PARD3: variants seen among roughly 807,000 people sequenced by gnomAD.
PARD3 encodes par-3 family cell polarity regulator, also known as partitioning defective 3 homolog.
A neutral mutation model predicts 155.4 loss-of-function variants in PARD3; 75 were observed. The observed-to-expected ratio is 0.48, with a 90% CI of 0.40 to 0.58. The LOEUF (loss-of-function observed/expected upper bound fraction) is 0.58. Among genes scored for constraint, PARD3 ranks in the 20% least tolerant of loss-of-function variants. PARD3 has a pLI of 0.00. For missense variants in PARD3, 1,642 were observed against 1,721.7 expected (o/e 0.95, Z 0.82); for synonymous variants, 576 against 610.5 (o/e 0.94, Z 0.83).
chr10:34,778,429 C>T (rs1218958142), intron 1 of PARD3, among the ~76,000 whole-genome samples: 1 of 152,174 alleles, frequency 6.6e-6, no homozygotes, highest in East Asian at 1.9e-4. Flanking sequence ...AACTGAGCAT[C>T]ATGAATGAAG....
intron 22 of PARD3, among the ~76,000 whole-genome samples, chr10:34,245,237 G>C (rs985057217): frequency 1.1e-4 from 17 of 152,124 alleles, no homozygotes; most frequent in Admixed American, 3.3e-4. Context: ...AATCAGGAGA[G>C]GGCTGCAGCA....
At chr10:34,710,339 C>G (rs1276211163) in intron 1 of PARD3, among the ~76,000 whole-genome samples, 1 of 152,190 alleles carries the variant, frequency 6.6e-6, no homozygotes, top group Non-Finnish European at 1.5e-5. Flanking sequence ...CAGTGCTTGT[C>G]TATATTTCCT....
At chr10:34,201,087 T>C (rs1385131855) in intron 22 of PARD3, among the ~76,000 whole-genome samples, 2 of 152,216 alleles carry the variant, frequency 1.3e-5, no homozygotes, top group Admixed American at 6.5e-5. Context: ...ACGAAAGGCA[T>C]GGGATCTAGA....
intron 22 of PARD3, among the ~76,000 whole-genome samples, chr10:34,245,565 A>G (rs1179784584): frequency 6.9e-6 from 1 of 144,280 alleles, no homozygotes; most frequent in African/African-American, 2.7e-5. Flanking sequence ...GACAAGGGGT[A>G]ATACATCCCT....
chr10:34,623,106 C>T (rs1204410168), intron 2 of PARD3, among the ~76,000 whole-genome samples: 1 of 152,064 alleles, frequency 6.6e-6, no homozygotes, highest in African/African-American at 2.4e-5. Flanking sequence ...TGCAAAAATC[C>T]ACCCTAAGAG....
At chr10:34,384,087 C>A in intron 8 of PARD3, 42 bp downstream of exon 8, 1 of 1,597,436 alleles carries the variant, frequency 6.3e-7, no homozygotes, top group Non-Finnish European at 8.6e-7. Flanking sequence ...TCTGTCATGC[C>A]TAATGCAAGT....
At chr10:34,231,431 C>A (rs1545214) in intron 22 of PARD3, among the ~76,000 whole-genome samples, 29,288 of 151,832 alleles carry the variant, frequency 0.19, 3,619 homozygotes, top group Non-Finnish European at 0.25. Context: ...CTGTCTATGG[C>A]ATATTCCAAA....
At chr10:34,798,769 G>A (rs1220014612) in intron 1 of PARD3, among the ~76,000 whole-genome samples, 1 of 151,122 alleles carries the variant, frequency 6.6e-6, no homozygotes, top group African/African-American at 2.4e-5. Context: ...ACCAGCCTTT[G>A]AGCATGCTGG....
intron 22 of PARD3, among the ~76,000 whole-genome samples, chr10:34,161,559 C>T (rs1357029841): frequency 6.6e-6 from 1 of 152,118 alleles, no homozygotes; most frequent in Non-Finnish European, 1.5e-5. Flanking sequence ...CCCACTTGAC[C>T]TCTGAAGAAC....
intron 12 of PARD3, among the ~76,000 whole-genome samples, chr10:34,371,361 C>G (rs1331523571): frequency 6.6e-6 from 1 of 151,290 alleles, no homozygotes; most frequent in Non-Finnish European, 1.5e-5. Flanking sequence ...AGGTTGTTTA[C>G]TGATTTTCCT....
intron 2 of PARD3, among the ~76,000 whole-genome samples, chr10:34,632,967 AG>A (rs775138982): frequency 4.6e-5 from 7 of 152,258 alleles, no homozygotes; most frequent in Non-Finnish European, 1.0e-4. Context: ...GCCAACCTGC[AG>A]GCCAAACAAC....
chr10:34,396,820 T>C (rs1166505926), intron 7 of PARD3, among the ~76,000 whole-genome samples: 1 of 152,098 alleles, frequency 6.6e-6, no homozygotes, highest in African/African-American at 2.4e-5. Flanking sequence ...CTATACTACA[T>C]TGCTTAATTT....
chr10:34,401,930 A>G lies in PARD3; in HGVS notation c.715-13T>C. Reference sequence around the variant, plus strand: ...TCCCATCCTCATCCTAGAGGCAGCCAACACAAAGAAAAGTACACTCTGTGT... The same window carrying G: ...TCCCATCCTCATCCTAGAGGCAGCCGACACAAAGAAAAGTACACTCTGTGT... On this transcript the variant is annotated splice_polypyrimidine_tract_variant and intron_variant, in intron 5 of 24. Coordinates refer to ENST00000374788, the MANE Select transcript of PARD3 (RefSeq NM_001184785.2). 6.2e-7 allele frequency: 1 copy of G among 1,600,764 alleles called. No homozygotes were observed.
At chr10:34,760,725 GC>G (rs1837340968) in intron 1 of PARD3, among the ~76,000 whole-genome samples, 5 of 152,226 alleles carry the variant, frequency 3.3e-5, no homozygotes, top group Admixed American at 3.3e-4. Context: ...GCACTCACTG[GC>G]TCTCTCTCAG....
chr10:34,636,628 C>T lies in PARD3; in HGVS notation c.222+59690G>A, dbSNP rs116666619. Among the ~76,000 whole-genome samples the T allele has an allele frequency of 7.3e-3, 1,105 of 152,262 alleles. 13 individuals are homozygous for T. The highest frequency in any genetic ancestry group is 0.026 in the African/African-American group (1,065 of 41,536). On this transcript the variant is annotated intron_variant, in intron 2 of 24. Transcript: ENST00000374788. Reference sequence around the variant, plus strand: ...ATGCTTACGATGGTGTGCTAGTTCCCGTCAAGCCTAATGTTGTCACCCAAT... The same window carrying T: ...ATGCTTACGATGGTGTGCTAGTTCCTGTCAAGCCTAATGTTGTCACCCAAT...
intron 22 of PARD3, among the ~76,000 whole-genome samples, chr10:34,195,671 G>C (rs893685222): frequency 1.3e-5 from 2 of 152,222 alleles, no homozygotes; most frequent in Admixed American, 1.3e-4. Context: ...CGAGAAGAAT[G>C]AGAAGGGACA....
chr10:34,613,608 C>T (rs1405705967), intron 2 of PARD3, among the ~76,000 whole-genome samples: 1 of 152,132 alleles, frequency 6.6e-6, no homozygotes, highest in African/African-American at 2.4e-5. Context: ...CCAGAGGATT[C>T]GCAAATGTGT....
chr10:34,307,153 G>C (rs1166171069), intron 20 of PARD3, among the ~76,000 whole-genome samples: 1 of 152,152 alleles, frequency 6.6e-6, no homozygotes, highest in Non-Finnish European at 1.5e-5. Context: ...GCCTCCCAAA[G>C]TGCTGGGATT....
intron 20 of PARD3, among the ~76,000 whole-genome samples, chr10:34,297,674 G>A (rs1956969002): frequency 6.6e-6 from 1 of 152,132 alleles, no homozygotes; most frequent in Non-Finnish European, 1.5e-5. Flanking sequence ...GGCCAGTGAT[G>A]GTTAGTCTTG....
Sources: gnomAD v4.1 joint callset for allele counts (sites outside exome capture counted in the v4.1 genomes callset) on GRCh38, gnomAD v4.1.1 for gene constraint, MANE v1.5 for transcripts, NCBI Gene and HGNC (gene_info 2026-07-23, HGNC 2026-07-21) for gene names.